JMJD1C: variants seen among roughly 807,000 people sequenced by gnomAD.
JMJD1C encodes jumonji domain containing 1C.
JMJD1C carries 31 observed loss-of-function variants against 245.3 expected under a neutral mutation model. The observed-to-expected ratio is 0.13, with a 90% CI of 0.09 to 0.17. JMJD1C has a LOEUF of 0.17. Among genes scored for constraint, JMJD1C ranks in the 10% least tolerant of loss-of-function variants. JMJD1C has a pLI of 1.00. For synonymous variants in JMJD1C, 1,057 were observed against 1,017.4 expected (o/e 1.04, Z -0.74); for missense variants, 2,691 against 3,000.2 (o/e 0.90, Z 2.41).
chr10:63,422,957 CT>C (rs34111309), intron 1 of JMJD1C, among the ~76,000 whole-genome samples: 35,356 of 146,956 alleles, frequency 0.24, 5,095 homozygotes, highest in Non-Finnish European at 0.32. Context: ...GTTACCAAAA[CT>C]TTTTTTTTTT....
intron 2 of JMJD1C, among the ~76,000 whole-genome samples, chr10:63,304,359 T>C (rs1937708783): frequency 6.6e-6 from 1 of 152,092 alleles, no homozygotes; most frequent in African/African-American, 2.4e-5. Context: ...CATGCCCAGA[T>C]TGCTGGCTAC....
chr10:63,420,282 TTGTAAGTATTTC>T (rs1243094418), intron 1 of JMJD1C, among the ~76,000 whole-genome samples: 2 of 152,048 alleles, frequency 1.3e-5, no homozygotes, highest in African/African-American at 4.8e-5. Flanking sequence ...ACAACAAAAT[TTGTAAGTATTTC>T]TGTAAAACTA....
At chr10:63,421,016 C>A (rs6479901) in intron 1 of JMJD1C, among the ~76,000 whole-genome samples, 100,558 of 152,028 alleles carry the variant, frequency 0.66, 36,029 homozygotes, top group Non-Finnish European at 0.81. Flanking sequence ...AACACACTGC[C>A]GCAGATCTTA....
intron 2 of JMJD1C, among the ~76,000 whole-genome samples, chr10:63,305,530 T>C (rs1367049638): frequency 6.9e-6 from 1 of 144,658 alleles, no homozygotes; most frequent in Non-Finnish European, 1.5e-5. Context: ...TCTCTCTCTC[T>C]GGAGGCAAGG....
chr10:63,264,648 T>TA lies in JMJD1C; in HGVS notation c.447+2dup. 7.4e-7 allele frequency: 1 copy of TA among 1,344,080 alleles called. No individual in the cohort carries two copies. The highest frequency in any genetic ancestry group is 1.0e-6 in the Non-Finnish European group (1 of 972,170). The allele number at this position is 1,344,080 out of a possible 1,614,324, so 83.3% of individuals were successfully genotyped here. A position where few individuals can be genotyped will look rare whatever the true frequency, so the allele number is the denominator to read the frequency against. ...TTTTAAAAAGTAATCTAAAATTTCTTACCTGGTAGGGCTGAAAGGCACTAT... is the reference window on the plus strand; with the variant it reads ...TTTTAAAAAGTAATCTAAAATTTCTTAACCTGGTAGGGCTGAAAGGCACTAT... On this transcript the variant is annotated splice_region_variant and intron_variant, in intron 3 of 25. Coordinates refer to ENST00000399262, the MANE Select transcript of JMJD1C (RefSeq NM_032776.3).
intron 3 of JMJD1C, among the ~76,000 whole-genome samples, chr10:63,242,722 T>C (rs534584553): frequency 6.6e-6 from 1 of 152,146 alleles, no homozygotes; most frequent in Admixed American, 6.5e-5. Context: ...CGAGACTCTG[T>C]CTCAAAAACA....
intron 3 of JMJD1C, among the ~76,000 whole-genome samples, chr10:63,236,415 T>C (rs940018142): frequency 6.6e-6 from 1 of 152,222 alleles, no homozygotes; most frequent in Non-Finnish European, 1.5e-5. Flanking sequence ...TGTGTTTTCT[T>C]CTAAAGCCAC....
chr10:63,310,066 A>C (rs1938951092), intron 2 of JMJD1C, among the ~76,000 whole-genome samples: 1 of 152,230 alleles, frequency 6.6e-6, no homozygotes, highest in Non-Finnish European at 1.5e-5. Flanking sequence ...TAATAGCAAT[A>C]ACCACTATCA....
intron 1 of JMJD1C, among the ~76,000 whole-genome samples, chr10:63,429,304 G>A (rs983872870): frequency 5.9e-5 from 9 of 151,786 alleles, no homozygotes; most frequent in African/African-American, 2.2e-4. Flanking sequence ...AACTCAGGGG[G>A]AATAGCACCT....
chr10:63,280,421 G>A (rs749425776), intron 2 of JMJD1C, among the ~76,000 whole-genome samples: 13 of 151,494 alleles, frequency 8.6e-5, no homozygotes, highest in South Asian at 4.2e-4. Flanking sequence ...GTGGTGGAAC[G>A]CACCTGTAGT....
intron 2 of JMJD1C, among the ~76,000 whole-genome samples, chr10:63,286,830 C>A (rs745430688): frequency 1.3e-5 from 2 of 152,036 alleles, no homozygotes; most frequent in African/African-American, 4.8e-5. Flanking sequence ...AGAAACAGAA[C>A]GTAAGTAAAA....
At chr10:63,173,450 G>A (rs1310558895) in intron 24 of JMJD1C, among the ~76,000 whole-genome samples, 1 of 152,202 alleles carries the variant, frequency 6.6e-6, no homozygotes, top group Non-Finnish European at 1.5e-5. Flanking sequence ...AGCCAGGTGG[G>A]TTGGCTCATG....
At chr10:63,277,757 A>G (rs1856962355) in intron 2 of JMJD1C, among the ~76,000 whole-genome samples, 1 of 23,918 alleles carries the variant, frequency 4.2e-5, no homozygotes, top group Non-Finnish European at 7.9e-5. Flanking sequence ...TTTTTTTTTG[A>G]GACAGAGTCT....
At chr10:63,498,345 A>T (rs778045463) in intron 1 of JMJD1C, among the ~76,000 whole-genome samples, 2 of 152,184 alleles carry the variant, frequency 1.3e-5, no homozygotes, top group Non-Finnish European at 2.9e-5. Flanking sequence ...GGCTTCAGAT[A>T]AGCTTTACAT....
chr10:63,485,689 G>A (rs1330905503), intron 1 of JMJD1C, among the ~76,000 whole-genome samples: 1 of 152,120 alleles, frequency 6.6e-6, no homozygotes, highest in East Asian at 1.9e-4. Context: ...GCAGTGCCTG[G>A]GGACCTTTGG....
intron 16 of JMJD1C, among the ~76,000 whole-genome samples, chr10:63,191,612 T>G (rs1193352625): frequency 6.6e-6 from 1 of 151,978 alleles, no homozygotes; most frequent in East Asian, 1.9e-4. Flanking sequence ...AATCTAAATA[T>G]AAAAAGGCCT....
chr10:63,372,949 G>T, intron 2 of JMJD1C: 1 of 188,940 alleles, frequency 5.3e-6, no homozygotes, highest in Admixed American at 5.5e-5. Flanking sequence ...AGAAAACACA[G>T]CAGTGTTACA....
rs115864738 is a variant in JMJD1C, at chr10:63,365,552, C to T, written c.333+14766G>A. 6.2e-3 allele frequency among the ~76,000 whole-genome samples: 940 copies of T among 152,120 alleles called. 11 individuals carry two copies. The highest frequency in any genetic ancestry group is 0.021 in the African/African-American group (863 of 41,494). On this transcript the variant is annotated intron_variant, in intron 2 of 25. Coordinates refer to ENST00000399262, the MANE Select transcript of JMJD1C (RefSeq NM_032776.3). ...TTGGGAGGCTGAGGCAGGTGGATCA[C>T]GAGGTCAGGAGTTCAAGATTCAATA...
Position 63,265,499 on chromosome 10 carries a change from G to T in JMJD1C, c.334-735C>A, listed in dbSNP as rs892865200. Among the ~76,000 whole-genome samples, 8 of 152,242 alleles carry T rather than the reference G, an allele frequency of 5.3e-5. 1 individual carries two copies. The highest frequency in any genetic ancestry group is 1.9e-4 in the African/African-American group (8 of 41,536). On this transcript the variant is annotated intron_variant, in intron 2 of 25. Coordinates refer to ENST00000399262, the MANE Select transcript of JMJD1C (RefSeq NM_032776.3). Reference sequence around the variant, plus strand: ...TCGTATCTTGGGTGGGGATGACAGGGACAGAGCCAGGGTAGGAAGAGGAAG... The same window carrying T: ...TCGTATCTTGGGTGGGGATGACAGGTACAGAGCCAGGGTAGGAAGAGGAAG...
Sources: allele counts gnomAD v4.1 joint callset (sites outside exome capture counted in the v4.1 genomes callset), GRCh38; gene constraint gnomAD v4.1.1; transcripts MANE v1.5; gene names NCBI Gene and HGNC (gene_info 2026-07-23, HGNC 2026-07-21).